Variants in XYLB observed in about 807,000 individuals in gnomAD.
XYLB encodes xylulokinase, also known as xylulose kinase.
A neutral mutation model predicts 78.7 loss-of-function variants in XYLB; 62 were observed. The observed-to-expected ratio is 0.79, with a 90% CI of 0.64 to 0.97. XYLB has a LOEUF of 0.97. Ranked by LOEUF, XYLB falls within the 50% of genes least tolerant of loss-of-function variation. The pLI is 0.00. For synonymous variants in XYLB, 245 were observed against 247.4 expected, an observed-to-expected ratio of 0.99 and a Z score of 0.09; for missense variants, 687 against 676.8, an observed-to-expected ratio of 1.02 and a Z score of -0.17.
chr3:38,385,308 A>G (rs1052670270), intron 15 of XYLB, among the ~76,000 whole-genome samples: 3 of 152,100 alleles, frequency 2.0e-5, no homozygotes, highest in Non-Finnish European at 4.4e-5. Context: ...TCTATGCCCT[A>G]TACCCTTGTC....
the XYLB span, among the ~76,000 whole-genome samples, chr3:38,431,641 G>A: frequency 6.6e-6 from 1 of 152,182 alleles, no homozygotes; most frequent in African/African-American, 2.4e-5. Flanking sequence ...TTTTCAAAGG[G>A]TATGCTTCCA....
chr3:38,376,368 T>A (rs527284242), intron 13 of XYLB, 136 bp downstream of exon 13: 16 of 663,912 alleles, frequency 2.4e-5, no homozygotes, highest in Non-Finnish European at 1.1e-5. Context: ...TCTGCACTTA[T>A]ATTCCACACA....
intron 3 of XYLB, among the ~76,000 whole-genome samples, chr3:38,361,051 A>G (rs1281949857): frequency 6.6e-6 from 1 of 152,180 alleles, no homozygotes; most frequent in Non-Finnish European, 1.5e-5. Flanking sequence ...AAAAGAAAAA[A>G]AAGAAATACA....
intron 18 of XYLB, among the ~76,000 whole-genome samples, chr3:38,406,575 A>G (rs1264016622): frequency 6.6e-6 from 1 of 152,252 alleles, no homozygotes; most frequent in Non-Finnish European, 1.5e-5. Context: ...TCAGATGATC[A>G]AACTACTCTG....
intron 9 of XYLB, among the ~76,000 whole-genome samples, chr3:38,371,193 C>G (rs1260356845): frequency 6.6e-6 from 1 of 152,144 alleles, no homozygotes; most frequent in Non-Finnish European, 1.5e-5. Context: ...ACGGCAGCCA[C>G]CAACTCCTGG....
In XYLB at chr3:38,375,262, G is replaced by A. The variant is rs780179870; in HGVS notation, c.1004+3G>A. On this transcript the variant is annotated splice_donor_region_variant and intron_variant, in intron 12 of 18. Coordinates refer to ENST00000207870, the MANE Select transcript of XYLB (RefSeq NM_005108.4). ...CAGCACTACATGGCACTCCTGTGGT[G>A]AGCTTGGGTGTTGGTTGGCACCATT... 6.2e-7 allele frequency: 1 copy of A among 1,613,846 alleles called. No homozygotes were observed. The highest frequency in any genetic ancestry group is 1.1e-5 in the South Asian group (1 of 91,042).
At chr3:38,372,837 C>A in intron 10 of XYLB, 101 bp downstream of exon 10, 1 of 1,252,842 alleles carries the variant, frequency 8.0e-7, no homozygotes, top group South Asian at 1.2e-5. Flanking sequence ...CTTCTGTGGT[C>A]ATTCCTCACC....
chr3:38,412,861 T>G, intron 18 of XYLB, 75 bp from the exon 19 acceptor site: 2 of 1,336,016 alleles, frequency 1.5e-6, no homozygotes, highest in Admixed American at 5.0e-5. Flanking sequence ...TTTAAAAATT[T>G]TAAATTGCAA....
chr3:38,402,514 T>G (rs1708160082), intron 18 of XYLB, among the ~76,000 whole-genome samples: 3 of 152,222 alleles, frequency 2.0e-5, no homozygotes, highest in Admixed American at 2.0e-4. Context: ...GCTATTTTTC[T>G]CTCATGTTCG....
At chr3:38,442,131 C>T in the XYLB span, among the ~76,000 whole-genome samples, 1 of 152,076 alleles carries the variant, frequency 6.6e-6, no homozygotes, top group Non-Finnish European at 1.5e-5. Context: ...TGTCTTAGGG[C>T]AAGGACAAGC....
chr3:38,374,873 T>C (rs17733255), intron 11 of XYLB, among the ~76,000 whole-genome samples: 3,205 of 152,268 alleles, frequency 0.021, 48 homozygotes, highest in Non-Finnish European at 0.034. Context: ...GAAAGTCATA[T>C]GGGGAACCAG....
chr3:38,358,317 G>T (rs1373833670), intron 2 of XYLB, among the ~76,000 whole-genome samples: 584 of 39,892 alleles, frequency 0.015, 8 homozygotes, highest in African/African-American at 0.03. Flanking sequence ...TTTTGTGTGT[G>T]TGTGTGTGTG....
At chr3:38,394,640 C>G (rs1354990262) in intron 15 of XYLB, among the ~76,000 whole-genome samples, 1 of 152,182 alleles carries the variant, frequency 6.6e-6, no homozygotes, top group Non-Finnish European at 1.5e-5. Context: ...CAAATTATCT[C>G]AAAATTTAGC....
chr3:38,367,762 C>T (rs1002175674), intron 7 of XYLB, among the ~76,000 whole-genome samples: 14 of 152,192 alleles, frequency 9.2e-5, no homozygotes, highest in African/African-American at 2.7e-4. Context: ...GCTTTCCTGA[C>T]GCCCTGAGAG....
chr3:38,420,228 G>A (rs1248427745), exon 18 of XYLB, among the ~76,000 whole-genome samples: 1 of 152,232 alleles, frequency 6.6e-6, no homozygotes, highest in Non-Finnish European at 1.5e-5. Flanking sequence ...TATCCATCAT[G>A]TCATGTCATC....
At chr3:38,407,358 T>A (rs1708369352) in intron 18 of XYLB, among the ~76,000 whole-genome samples, 2 of 152,054 alleles carry the variant, frequency 1.3e-5, no homozygotes. Flanking sequence ...CCACCAGGCC[T>A]GCCCTAAAAG....
intron 18 of XYLB, among the ~76,000 whole-genome samples, chr3:38,407,252 T>G (rs1478050712): frequency 6.7e-6 from 1 of 149,774 alleles, no homozygotes; most frequent in Non-Finnish European, 1.5e-5. Flanking sequence ...GAAAAGAATT[T>G]TCAACCCAGA....
intron 15 of XYLB, among the ~76,000 whole-genome samples, chr3:38,395,141 G>T (rs912012177): frequency 2.6e-5 from 4 of 152,182 alleles, no homozygotes; most frequent in African/African-American, 9.7e-5. Context: ...TTGGAATCTG[G>T]CTGACACACC....
chr3:38,393,377 C>G (rs1707748945), intron 15 of XYLB, among the ~76,000 whole-genome samples: 1 of 152,164 alleles, frequency 6.6e-6, no homozygotes, highest in African/African-American at 2.4e-5. Context: ...AAGTCCTGGG[C>G]TCAAGCAATC....
Sources: allele counts gnomAD v4.1 joint callset (sites outside exome capture counted in the v4.1 genomes callset), GRCh38; gene constraint gnomAD v4.1.1; transcripts MANE v1.5; gene names NCBI Gene and HGNC (gene_info 2026-07-23, HGNC 2026-07-21).